MARK1: variants seen among roughly 807,000 people sequenced by gnomAD.
The protein encoded by MARK1 is microtubule affinity regulating kinase 1.
Under a neutral mutation model 96.3 loss-of-function variants are expected in MARK1, and 40 were observed. The ratio of observed to expected loss-of-function variants is 0.42; its 90% CI spans 0.32 to 0.54. The LOEUF (loss-of-function observed/expected upper bound fraction) is 0.54, where lower values mean the gene tolerates loss of function less well. Among genes scored for constraint, MARK1 ranks in the 20% least tolerant of loss-of-function variants. MARK1 has a pLI of 0.16. For synonymous variants in MARK1, 317 were observed against 341.2 expected (o/e 0.93, Z 0.78); for missense variants, 719 against 984.6 (o/e 0.73, Z 3.61).
rs757514786 is a variant in MARK1 at position 220,579,567 on chromosome 1, C to T, written c.255+10C>T. The T allele has an allele frequency of 1.2e-6, 2 of 1,611,540 alleles. No individual in the cohort carries two copies. The highest frequency in any genetic ancestry group is 2.2e-5 in the South Asian group (2 of 90,974). ...TCTAACTGGTAGAGAGGTAAGTTTG[C>T]ACAATGCCTTTTAATATCTGCCTGG... On this transcript the variant is annotated intron_variant, in intron 2 of 17. Transcript: ENST00000366917.
At chr1:220,649,240 G>T (rs865950650) in intron 13 of MARK1, among the ~76,000 whole-genome samples, 10,281 of 142,788 alleles carry the variant, frequency 0.072, 1,131 homozygotes, top group African/African-American at 0.24. Context: ...TTTTTTTTTT[G>T]GGGGACAGGA....
Position 220,630,936 on chromosome 1 carries a change from T to A in MARK1, c.910-99T>A. The stretch of plus-strand genomic sequence containing the variant: ...CAAACTAGAAATGTCACATGAAACT[T>A]CTTGAGTGAACTAGTAATTTTACAT... On this transcript the variant is annotated intron_variant, in intron 9 of 17. Transcript: ENST00000366917. The A allele has an allele frequency of 1.1e-5, 9 of 802,210 alleles. No individual in the cohort carries two copies. The South Asian group carries it at 1.4e-4, about 12-fold the overall frequency. 49.7% of individuals were successfully genotyped at this position (802,210 alleles called of 1,614,324 possible).
intron 3 of MARK1, among the ~76,000 whole-genome samples, chr1:220,593,299 C>T (rs1201043002): frequency 1.3e-5 from 2 of 151,806 alleles, no homozygotes; most frequent in East Asian, 3.9e-4. Context: ...AGCATTTTTT[C>T]TTATAAAATG....
chr1:220,549,006 T>C (rs898636141), intron 1 of MARK1, among the ~76,000 whole-genome samples: 6 of 152,240 alleles, frequency 3.9e-5, no homozygotes, highest in African/African-American at 1.4e-4. Context: ...GGGAGTATCT[T>C]AGGGAGAAGT....
At chr1:220,605,507 T>G (rs1349865175) in intron 6 of MARK1, among the ~76,000 whole-genome samples, 1 of 151,954 alleles carries the variant, frequency 6.6e-6, no homozygotes, top group Non-Finnish European at 1.5e-5. Context: ...TTTATTTTAT[T>G]TTATTTTTCT....
chr1:220,627,337 G>C (rs377141174), intron 9 of MARK1: 2 of 498,980 alleles, frequency 4.0e-6, no homozygotes, highest in Non-Finnish European at 8.2e-6. Flanking sequence ...AGTCAAAACA[G>C]GATGGAAAAG....
Position 220,632,198 on chromosome 1 carries a change from T to C in MARK1, c.1010-3T>C. 7.3e-7 allele frequency: 1 copy of C among 1,360,990 alleles called. No homozygotes were observed. Among genetic ancestry groups the C allele is most frequent in the Non-Finnish European group, 9.8e-7 (1 of 1,023,790 alleles). The allele number at this position is 1,360,990 out of a possible 1,614,324, so 84.3% of individuals were successfully genotyped here. A position where few individuals can be genotyped will look rare whatever the true frequency, so the allele number is the denominator to read the frequency against. On this transcript the variant is annotated splice_polypyrimidine_tract_variant and splice_region_variant and intron_variant, in intron 10 of 17. Coordinates refer to ENST00000366917, the MANE Select transcript of MARK1 (RefSeq NM_018650.5). ...AGAAAATTTCTCTTTTTTAAATTTC[T>C]AGACATTATGGTCACCATGGGCTTT...
intron 13 of MARK1, among the ~76,000 whole-genome samples, chr1:220,644,177 CAT>C (rs1482583988): frequency 1.3e-5 from 2 of 152,108 alleles, no homozygotes; most frequent in African/African-American, 4.8e-5. Context: ...AGACATATCT[CAT>C]GTGCAGAGAC....
intron 1 of MARK1, among the ~76,000 whole-genome samples, chr1:220,534,526 T>G (rs1427469106): frequency 2.0e-5 from 3 of 152,134 alleles, no homozygotes; most frequent in Non-Finnish European, 4.4e-5. Flanking sequence ...CACATATGAG[T>G]GAGAACATAT....
intron 1 of MARK1, among the ~76,000 whole-genome samples, chr1:220,543,649 T>C (rs1456470427): frequency 6.6e-6 from 1 of 152,198 alleles, no homozygotes; most frequent in Non-Finnish European, 1.5e-5. Flanking sequence ...TCAACATTAT[T>C]TCTGTATATC....
intron 3 of MARK1, among the ~76,000 whole-genome samples, chr1:220,586,427 C>T (rs1298740585): frequency 6.6e-6 from 1 of 152,162 alleles, no homozygotes; most frequent in Non-Finnish European, 1.5e-5. Flanking sequence ...TTTCCTATTC[C>T]CCTAACAGTG....
intron 1 of MARK1, among the ~76,000 whole-genome samples, chr1:220,548,224 G>C (rs1472656218): frequency 1.3e-5 from 2 of 152,194 alleles, no homozygotes; most frequent in African/African-American, 4.8e-5. Context: ...AACATCTGAA[G>C]TATATCGGAG....
chr1:220,620,769 A>G (rs1667012845), intron 9 of MARK1, among the ~76,000 whole-genome samples: 1 of 152,144 alleles, frequency 6.6e-6, no homozygotes, highest in South Asian at 2.1e-4. Flanking sequence ...GTTCCAGCTT[A>G]CCAAAACAAA....
At chr1:220,604,191 TG>T (rs1665926708) in intron 6 of MARK1, 54 bp downstream of exon 6, 1 of 1,152,616 alleles carries the variant, frequency 8.7e-7, no homozygotes, top group East Asian at 2.4e-5. Flanking sequence ...CGATGTACAA[TG>T]GACAGTATTA....
intron 1 of MARK1, among the ~76,000 whole-genome samples, chr1:220,549,029 A>G (rs573551877): frequency 1.5e-4 from 23 of 152,296 alleles, no homozygotes; most frequent in African/African-American, 5.3e-4. Context: ...CTCTAAAAAT[A>G]CAGGCTCAGC....
Position 220,540,421 on chromosome 1 carries a change from A to G in MARK1, c.51+11548A>G, listed in dbSNP as rs117496129. Among the ~76,000 whole-genome samples, 68 of 152,328 alleles carry G rather than the reference A, an allele frequency of 4.5e-4. No homozygotes were observed. The East Asian group carries it at 0.012, about 27-fold the overall frequency. ...GATTGAATGATGCTTGCCCACATTG[A>G]TGAAGGTATATGCTTTGTTCAGTTG... On this transcript the variant is annotated intron_variant, in intron 1 of 17. Coordinates refer to ENST00000366917, the MANE Select transcript of MARK1 (RefSeq NM_018650.5).
chr1:220,555,889 A>G (rs548905407), intron 1 of MARK1, among the ~76,000 whole-genome samples: 6 of 152,368 alleles, frequency 3.9e-5, no homozygotes, highest in Admixed American at 6.5e-5. Context: ...TACCAAAAAC[A>G]TAGTGGACTG....
At chr1:220,625,244 T>G (rs991862048) in intron 9 of MARK1, among the ~76,000 whole-genome samples, 10 of 152,218 alleles carry the variant, frequency 6.6e-5, no homozygotes, top group African/African-American at 2.4e-4. Context: ...TTAATAACAG[T>G]AACACTAGGA....
At position 220,653,832 on chromosome 1, in the gene MARK1, AGT is replaced by A. The variant is rs1352042617; in HGVS notation, c.1988+481_1988+482del. On this transcript the variant is annotated intron_variant, in intron 16 of 17. Transcript: ENST00000366917. ...TCATAAAACCTTATCATCAAAACAT[AGT>A]AAACACAAAATGAATACATGTATAG... Among the ~76,000 whole-genome samples, 1,452 of 152,354 alleles carry A rather than the reference AGT, an allele frequency of 9.5e-3. 26 individuals are homozygous for A. Among genetic ancestry groups the A allele is most frequent in the African/African-American group, 0.033 (1,365 of 41,568 alleles).
Sources: allele counts gnomAD v4.1 joint callset (sites outside exome capture counted in the v4.1 genomes callset), GRCh38; gene constraint gnomAD v4.1.1; transcripts MANE v1.5; gene names NCBI Gene and HGNC (gene_info 2026-07-23, HGNC 2026-07-21).